Variants in DMD observed in about 807,000 individuals in gnomAD.
DMD encodes the protein dystrophin, also known as mutant dystrophin.
Under a neutral mutation model 330.1 loss-of-function variants are expected in DMD, and 63 were observed. That is an observed-to-expected ratio of 0.19 (90% CI 0.16 to 0.24). The LOEUF (loss-of-function observed/expected upper bound fraction) is 0.24, where lower values mean the gene tolerates loss of function less well. Ranked by LOEUF, DMD falls within the 10% of genes least tolerant of loss-of-function variation. The pLI, the probability that DMD is intolerant of heterozygous loss-of-function variation, is 1.00. For missense variants in DMD, 3,344 were observed against 2,684.1 expected (o/e 1.25, Z -5.43); for synonymous variants, 1,223 against 959.8 (o/e 1.27, Z -5.07).
At chrX:31,813,319 T>G (rs1056357832) in intron 50 of DMD, among the ~76,000 whole-genome samples, 5 of 111,947 alleles carry the variant, frequency 4.5e-5, no homozygotes, top group East Asian at 2.8e-4. Context: ...TTGGCTGTGT[T>G]CTCACCCAAA....
intron 1 of DMD, among the ~76,000 whole-genome samples, chrX:33,137,975 T>C (rs1366664455): frequency 8.9e-6 from 1 of 112,003 alleles, no homozygotes; most frequent in African/African-American, 3.2e-5. Context: ...CTGGTCTAAG[T>C]GATTTTTATT....
chrX:31,817,294 T>C (rs946361572), intron 50 of DMD, among the ~76,000 whole-genome samples: 2 of 111,911 alleles, frequency 1.8e-5, no homozygotes, highest in African/African-American at 3.2e-5. Context: ...ACAAGAAGCA[T>C]AATACAAATT....
At chrX:32,471,894 C>T (rs1030714252) in intron 22 of DMD, among the ~76,000 whole-genome samples, 15 of 111,797 alleles carry the variant, frequency 1.3e-4, no homozygotes, top group African/African-American at 4.5e-4. Context: ...AAAATCAATA[C>T]ATCTGAAAAT....
At chrX:32,445,204 A>G (rs931001033) in intron 27 of DMD, among the ~76,000 whole-genome samples, 1 of 111,286 alleles carries the variant, frequency 9.0e-6, no homozygotes, top group African/African-American at 3.3e-5. Flanking sequence ...AATAAGGCCA[A>G]TCTGGATCCT....
At chrX:33,288,323 A>T (rs2053464103) in intron 1 of DMD, among the ~76,000 whole-genome samples, 1 of 111,696 alleles carries the variant, frequency 9.0e-6, no homozygotes, top group African/African-American at 3.3e-5. Context: ...CGAATAGGTT[A>T]TCTGTTCCTA....
rs367940664 is a variant in DMD at position 33,203,457 on chromosome X, A to C, written c.31+7825T>G. ...TTATTGAAGCTTTTCTACTAAGGCA[A>C]CATTTTGGTAATATTCACAGAAATA... On this transcript the variant is annotated intron_variant, in intron 1 of 78. Transcript: ENST00000357033. 3.0e-4 allele frequency among the ~76,000 whole-genome samples: 33 copies of C among 111,435 alleles called. No homozygotes were observed. The South Asian group carries it at 3.8e-3, about 13-fold the overall frequency.
At chrX:32,080,571 A>C (rs372496284) in intron 44 of DMD, among the ~76,000 whole-genome samples, 7 of 112,087 alleles carry the variant, frequency 6.2e-5, no homozygotes, top group East Asian at 2.8e-4. Flanking sequence ...TTTAAAACTT[A>C]ACCTAAAATG....
At chrX:31,610,746 T>C (rs1236375966) in intron 55 of DMD, among the ~76,000 whole-genome samples, 2 of 111,914 alleles carry the variant, frequency 1.8e-5, no homozygotes, top group African/African-American at 6.5e-5. Flanking sequence ...TATTCTGATA[T>C]TGTAATTTGG....
At chrX:31,980,040 G>T (rs781216618) in intron 44 of DMD, among the ~76,000 whole-genome samples, 1 of 112,111 alleles carries the variant, frequency 8.9e-6, no homozygotes, top group Non-Finnish European at 1.9e-5. Context: ...TGACTGACAA[G>T]ACCAAATATT....
chrX:31,159,996 A>T (rs1161596487), intron 74 of DMD, among the ~76,000 whole-genome samples: 1 of 112,437 alleles, frequency 8.9e-6, no homozygotes, highest in Non-Finnish European at 1.9e-5. Context: ...TTGATGATAC[A>T]CTTTAAAATC....
intron 2 of DMD, among the ~76,000 whole-genome samples, chrX:32,961,683 A>C (rs2091903473): frequency 9.0e-6 from 1 of 111,590 alleles, no homozygotes; most frequent in Non-Finnish European, 1.9e-5. Context: ...TATCACTGAG[A>C]TAATCTCAAG....
chrX:32,372,765 TTTAAA>T (rs2097884525), intron 34 of DMD, among the ~76,000 whole-genome samples: 1 of 112,044 alleles, frequency 8.9e-6, no homozygotes, highest in Non-Finnish European at 1.9e-5. Flanking sequence ...GCATTAATAA[TTTAAA>T]TTGTCAATTT....
At chrX:32,190,471 G>A (rs2096968518) in intron 44 of DMD, among the ~76,000 whole-genome samples, 1 of 102,766 alleles carries the variant, frequency 9.7e-6, no homozygotes, top group African/African-American at 3.6e-5. Context: ...AAGTTTTATA[G>A]TGTATACATG....
rs142122978 is a variant in DMD, at chrX:31,598,699, T to C, written c.8217+28974A>G. ...AATTGTTCTCAGGAGCTACAAGTCA[T>C]ATTCAGGTGGTCAGAAACTTTACCT... On this transcript the variant is annotated intron_variant, in intron 55 of 78. Coordinates refer to ENST00000357033, the MANE Select transcript of DMD (RefSeq NM_004006.3). Among the ~76,000 whole-genome samples the C allele has an allele frequency of 6.0e-3, 675 of 112,060 alleles. 4 individuals are homozygous for C. Among genetic ancestry groups the C allele is most frequent in the African/African-American group, 0.021 (640 of 30,906 alleles).
chrX:32,844,428 A>C (rs2080466389), intron 4 of DMD, among the ~76,000 whole-genome samples: 2 of 108,984 alleles, frequency 1.8e-5, no homozygotes, highest in Non-Finnish European at 3.8e-5. Context: ...AAAAGAAAAG[A>C]AAAGAAAAGA....
chrX:32,899,271 T>A (rs2086008053), intron 2 of DMD, among the ~76,000 whole-genome samples: 1 of 112,177 alleles, frequency 8.9e-6, no homozygotes, highest in Non-Finnish European at 1.9e-5. Context: ...TCCTTGCAGG[T>A]ATTTTAATTG....
At position 31,662,757 on chromosome X, in the gene DMD, G is replaced by A. The variant is rs1163905605; in HGVS notation, c.7873-4613C>T. On this transcript the variant is annotated intron_variant, in intron 53 of 78. Transcript: ENST00000357033. ...CCCAGTTTTGTCATCTGTAAACTAG[G>A]ATGGGGTTACTTGCTCTGACCATGC... 3.6e-5 allele frequency among the ~76,000 whole-genome samples: 4 copies of A among 111,823 alleles called. No homozygotes were observed. In the East Asian group the frequency reaches 1.1e-3, roughly 31 times the overall value.
intron 1 of DMD, among the ~76,000 whole-genome samples, chrX:33,259,123 T>G (rs1460186357): frequency 1.8e-5 from 2 of 111,316 alleles, no homozygotes; most frequent in African/African-American, 3.3e-5. Flanking sequence ...AAAATTGTGC[T>G]AAAAACATGT....
chrX:32,722,171 G>A (rs758948841), intron 7 of DMD, among the ~76,000 whole-genome samples: 1 of 107,976 alleles, frequency 9.3e-6, no homozygotes, highest in Non-Finnish European at 1.9e-5. Flanking sequence ...TTTTATTTCT[G>A]TGAAAAAAAA....
Sources: gnomAD v4.1 joint callset for allele counts (sites outside exome capture counted in the v4.1 genomes callset) on GRCh38, gnomAD v4.1.1 for gene constraint, MANE v1.5 for transcripts, NCBI Gene and HGNC (gene_info 2026-07-23, HGNC 2026-07-21) for gene names.